CNDP1: variants seen among roughly 807,000 people sequenced by gnomAD.
CNDP1 encodes the protein beta-Ala-His dipeptidase.
In CNDP1, 44 loss-of-function variants were observed where a neutral mutation model predicts 58.1. The ratio of observed to expected loss-of-function variants is 0.76; its 90% CI spans 0.60 to 0.97. The LOEUF (loss-of-function observed/expected upper bound fraction) is 0.97, where lower values mean the gene tolerates loss of function less well. Among genes scored for constraint, CNDP1 ranks in the 50% least tolerant of loss-of-function variants. The probability of loss-of-function intolerance (pLI) is 0.00; values close to 1 mark genes in which losing one functional copy is unlikely to be tolerated. For missense variants in CNDP1, 616 were observed against 655.1 expected, an observed-to-expected ratio of 0.94 and a Z score of 0.65; for synonymous variants, 254 against 252.6, an observed-to-expected ratio of 1.01 and a Z score of -0.05.
At chr18:74,539,712 C>T (rs1256916325) in intron 1 of CNDP1, among the ~76,000 whole-genome samples, 1 of 152,212 alleles carries the variant, frequency 6.6e-6, no homozygotes, top group Admixed American at 6.5e-5. Flanking sequence ...GCCTGCTTGC[C>T]AAGGCTCAGC....
At chr18:74,579,233 ACCTCCCCTCT>A (rs1981724287) in intron 9 of CNDP1, among the ~76,000 whole-genome samples, 1 of 68,686 alleles carries the variant, frequency 1.5e-5, no homozygotes, top group Non-Finnish European at 3.1e-5. Context: ...CCCTTCCCTC[ACCTCCCCTCT>A]CCTTTCCTTT....
intron 5 of CNDP1, among the ~76,000 whole-genome samples, chr18:74,564,326 T>C (rs771100215): frequency 1.3e-5 from 2 of 152,138 alleles, no homozygotes; most frequent in African/African-American, 2.4e-5. Context: ...ATTATAAAGA[T>C]ATAAAAAGAT....
At position 74,567,062 on chromosome 18, in the gene CNDP1, TCA is replaced by T. The variant is rs1454930578; in HGVS notation, c.556-169_556-168del. 6 of 611,014 alleles carry T rather than the reference TCA, an allele frequency of 9.8e-6. No individual in the cohort carries two copies. In the African/African-American group the frequency reaches 1.1e-4, roughly 11 times the overall value. 37.8% of individuals were successfully genotyped at this position (611,014 alleles called of 1,614,324 possible). On this transcript the variant is annotated intron_variant, in intron 5 of 11. Coordinates refer to ENST00000358821, the MANE Select transcript of CNDP1 (RefSeq NM_032649.6). ...CAGATCTCATGAGACTTACTCACTA[TCA>T]CGAGAATAGCACAGGAAAGACTGGC...
At chr18:74,551,273 T>A (rs569194968) in intron 1 of CNDP1, among the ~76,000 whole-genome samples, 80 of 151,864 alleles carry the variant, frequency 5.3e-4, no homozygotes, top group African/African-American at 1.2e-3. Flanking sequence ...TATTTTTTTT[T>A]AATAAATTAC....
In CNDP1 at chr18:74,580,235, A is replaced by G. The variant is rs555175958; in HGVS notation, c.1273A>G (p.Thr425Ala). 1.1e-5 allele frequency: 18 copies of G among 1,614,160 alleles called. No individual in the cohort carries two copies. In the African/African-American group the frequency reaches 2.3e-4, roughly 20 times the overall value. The stretch of plus-strand genomic sequence containing the variant: ...CCCGTGGATTGCAAATATTGATGAC[A>G]CCCAGTATCTCGCAGCAAAAAGAGC... ...LHPWIANIDD[T>A]QYLAAKRAIR... Residue 425 changes from threonine (T) to alanine (A), a missense_variant, in exon 10 of 12, where the codon ACC becomes GCC. Transcript: ENST00000358821.
chr18:74,548,678 C>G (rs955935168), intron 1 of CNDP1, among the ~76,000 whole-genome samples: 8 of 152,170 alleles, frequency 5.3e-5, no homozygotes, highest in African/African-American at 1.9e-4. Flanking sequence ...GTTTGGAGAG[C>G]TCAGAAGAAA....
chr18:74,553,796 C>T (rs1019860764), intron 1 of CNDP1, among the ~76,000 whole-genome samples: 3 of 152,170 alleles, frequency 2.0e-5, no homozygotes, highest in Non-Finnish European at 4.4e-5. Context: ...GAATGCCTGC[C>T]CTTCTCCAAG....
rs529484011 is a variant in CNDP1, at chr18:74,540,608, C to G, written c.24+5917C>G. Among the ~76,000 whole-genome samples, 3 of 152,274 alleles carry G rather than the reference C, an allele frequency of 2.0e-5. No individual in the cohort carries two copies. In the East Asian group the frequency reaches 5.8e-4, roughly 29 times the overall value. On this transcript the variant is annotated intron_variant, in intron 1 of 11. Transcript: ENST00000358821. ...GGAGGGCAAGTCCAGAAAGGAGAGCCGTGTTTAGATGTGTGGGGGTGTAAC... is the reference window on the plus strand; with the variant it reads ...GGAGGGCAAGTCCAGAAAGGAGAGCGGTGTTTAGATGTGTGGGGGTGTAAC...
Position 74,545,922 on chromosome 18 carries a change from C to T in CNDP1, c.25-10416C>T, listed in dbSNP as rs553187825. On this transcript the variant is annotated intron_variant, in intron 1 of 11. Coordinates refer to ENST00000358821, the MANE Select transcript of CNDP1 (RefSeq NM_032649.6). This position sits in a 1 kb window ranked among gnomAD's most constrained non-coding sequence, Gnocchi z 4.1. ...GATCCCTTAGGATTTACACCTCTCA[C>T]CCCTCAAAACCGAGAGCCATGCCCT... 2.0e-5 allele frequency among the ~76,000 whole-genome samples: 3 copies of T among 152,300 alleles called. No homozygotes were observed. The highest frequency in any genetic ancestry group is 7.2e-5 in the African/African-American group (3 of 41,546).
In CNDP1 at chr18:74,570,067, C is replaced by T. The variant is rs143535614; in HGVS notation, c.757-1119C>T. On this transcript the variant is annotated intron_variant, in intron 6 of 11. Transcript: ENST00000358821. ...AAAAAAAAAAAGCTGGGCATGGTGG[C>T]GTGCACCTGTAGTCCCAGCTACTTG... is the stretch of plus-strand genomic sequence containing the variant. 4.4e-3 allele frequency among the ~76,000 whole-genome samples: 644 copies of T among 146,120 alleles called. 4 individuals are homozygous for T. The highest frequency in any genetic ancestry group is 0.015 in the African/African-American group (586 of 39,686).
Position 74,586,440 on chromosome 18 carries a change from TAG to T in CNDP1, c.*1881_*1882del. On this transcript the variant is annotated 3_prime_UTR_variant, in exon 12 of 12. Transcript: ENST00000358821. Reference sequence around the variant, plus strand: ...ATAAGGACTAACAGTAAGAGAGATTTAGAGTCTTCATGTTAGTCCATTAACAT... The same window carrying T: ...ATAAGGACTAACAGTAAGAGAGATTTAGTCTTCATGTTAGTCCATTAACAT... The T allele has an allele frequency of 6.6e-6, 1 of 152,212 alleles. No individual in the cohort carries two copies. The highest frequency in any genetic ancestry group is 6.5e-5 in the Admixed American group (1 of 15,276). The allele number at this position is 152,212 out of a possible 1,614,324, so 9.4% of individuals were successfully genotyped here.
intron 1 of CNDP1, among the ~76,000 whole-genome samples, 157 bp downstream of exon 1, chr18:74,534,848 G>A (rs1275540440): frequency 6.6e-6 from 1 of 152,240 alleles, no homozygotes; most frequent in African/African-American, 2.4e-5. Context: ...CTTGGCCGAG[G>A]AATGTGGTAT....
chr18:74,570,428 GTGTC>G (rs1981451125), intron 6 of CNDP1, among the ~76,000 whole-genome samples: 1 of 152,136 alleles, frequency 6.6e-6, no homozygotes, highest in Non-Finnish European at 1.5e-5. Flanking sequence ...CAGCAGGACA[GTGTC>G]TGTTAAGTTT....
intron 2 of CNDP1, among the ~76,000 whole-genome samples, chr18:74,557,488 A>C (rs1462548589): frequency 6.6e-6 from 1 of 152,110 alleles, no homozygotes; most frequent in Non-Finnish European, 1.5e-5. Flanking sequence ...AGACAGGAGG[A>C]GGCATGGGAG....
intron 1 of CNDP1, among the ~76,000 whole-genome samples, chr18:74,540,313 A>G (rs1179386467): frequency 6.6e-6 from 1 of 152,080 alleles, no homozygotes; most frequent in African/African-American, 2.4e-5. Flanking sequence ...GCCCACTGCC[A>G]CACCCAACTA....
In CNDP1 at chr18:74,577,033, T is replaced by G. The variant is rs931602107; in HGVS notation, c.1002+4T>G. On this transcript the variant is annotated splice_donor_region_variant and intron_variant, in intron 8 of 11. Transcript: ENST00000358821. ...GAAATTTCTGTTCGATACTAAGGTA[T>G]GGCCACAGACTGATGGATAAGCTGG... is the stretch of plus-strand genomic sequence containing the variant. 2 of 1,608,178 alleles carry G rather than the reference T, an allele frequency of 1.2e-6. No homozygotes were observed. The highest frequency in any genetic ancestry group is 4.5e-5 in the East Asian group (2 of 44,816).
intron 2 of CNDP1, 64 bp downstream of exon 2, chr18:74,556,530 T>A (rs1385050632): frequency 3.0e-5 from 48 of 1,589,868 alleles, no homozygotes; most frequent in Non-Finnish European, 4.0e-5. Flanking sequence ...GGTATTTGGG[T>A]GAGACAATTA....
intron 1 of CNDP1, among the ~76,000 whole-genome samples, chr18:74,540,093 T>C (rs1980579106): frequency 6.6e-6 from 1 of 152,134 alleles, no homozygotes; most frequent in Non-Finnish European, 1.5e-5. Context: ...AAAATAGTTT[T>C]ACCACTGGTC....
intron 6 of CNDP1, 57 bp from the exon 7 acceptor site, chr18:74,571,129 T>G: frequency 8.5e-7 from 1 of 1,176,248 alleles, no homozygotes; most frequent in Non-Finnish European, 1.3e-6. Context: ...TGTGAAATGC[T>G]TACACTAAAG....
Sources: gnomAD v4.1 joint callset for allele counts (sites outside exome capture counted in the v4.1 genomes callset) on GRCh38, gnomAD v4.1.1 for gene constraint, Gnocchi (gnomAD v3.1) non-coding constraint, MANE v1.5 for transcripts, NCBI Gene and HGNC (gene_info 2026-07-23, HGNC 2026-07-21) for gene names.